Variants in TMEM230 observed in about 807,000 individuals in gnomAD.
TMEM230 encodes UPF0414 transmembrane protein C20orf30.
Under a neutral mutation model 15.8 loss-of-function variants are expected in TMEM230, and 10 were observed. The ratio of observed to expected loss-of-function variants is 0.63; its 90% confidence interval spans 0.39 to 1.07. The LOEUF (loss-of-function observed/expected upper bound fraction) is 1.07, where lower values mean the gene tolerates loss of function less well. TMEM230 is among the 50% of genes least tolerant of loss of function. The pLI, the probability that TMEM230 is intolerant of heterozygous loss-of-function variation, is 0.01. For synonymous variants in TMEM230, 67 were observed against 76.9 expected, an observed-to-expected ratio of 0.87 and a Z score of 0.68; for missense variants, 165 against 193.3, an observed-to-expected ratio of 0.85 and a Z score of 0.87.
intron 3 of TMEM230, among the ~76,000 whole-genome samples, chr20:5,084,513 C>A (rs182779962): frequency 6.6e-6 from 1 of 151,518 alleles, no homozygotes; most frequent in Non-Finnish European, 1.5e-5. Flanking sequence ...TGAGCCACTG[C>A]GCCCGTCTTC....
At chr20:5,061,032 G>A in the TMEM230 span, 1 of 152,128 alleles carries the variant, frequency 6.6e-6, no homozygotes, top group African/African-American at 2.4e-5. Flanking sequence ...GTAAACACAT[G>A]GGAGTGTAGT....
At chr20:5,098,030 T>C (rs1325720089), downstream of TMEM230, among the ~76,000 whole-genome samples, 7 of 130,340 alleles carry the variant, frequency 5.4e-5, no homozygotes, top group Non-Finnish European at 1.1e-4. Context: ...CAGGCTGGAG[T>C]GCAGTGGTGC....
rs866033071 is a variant in TMEM230, at chr20:5,111,787, G to A, written c.69-182C>T. 1.0e-5 allele frequency: 10 copies of A among 981,562 alleles called. No homozygotes were observed. The Admixed American group carries it at 3.7e-4, about 36-fold the overall frequency. 60.8% of individuals were successfully genotyped at this position (981,562 alleles called of 1,614,324 possible). A position where few individuals can be genotyped will look rare whatever the true frequency, so the allele number is the denominator to read the frequency against. ...ACCTAGTCTTTGTTAGATGCCAGCT[G>A]TTCTAAGTACTTTGTACATACCTAA... is the stretch of plus-strand genomic sequence containing the variant. On this transcript the variant is annotated intron_variant, in intron 1 of 4. Coordinates refer to ENST00000342308, the MANE Select transcript of TMEM230 (RefSeq NM_001009923.2).
At chr20:5,094,695 A>G (rs1336001114) in intron 3 of TMEM230, among the ~76,000 whole-genome samples, 1 of 110,874 alleles carries the variant, frequency 9.0e-6, no homozygotes, top group Admixed American at 1.1e-4. Context: ...ACAGAGCTAG[A>G]CTCCATCTCA....
intron 1 of TMEM230, among the ~76,000 whole-genome samples, chr20:5,112,479 C>A (rs1414451107): frequency 1.3e-5 from 2 of 152,316 alleles, no homozygotes; most frequent in East Asian, 3.9e-4. Context: ...GTTCATACAT[C>A]CGCATCAAAA....
intron 3 of TMEM230, among the ~76,000 whole-genome samples, chr20:5,083,947 T>G (rs1178729483): frequency 6.6e-6 from 1 of 152,180 alleles, no homozygotes; most frequent in African/African-American, 2.4e-5. Context: ...ACTGACTATT[T>G]CGTCACCCAG....
intron 4 of TMEM230, among the ~76,000 whole-genome samples, chr20:5,105,268 A>G (rs1249923948): frequency 6.7e-6 from 1 of 149,760 alleles, no homozygotes; most frequent in Non-Finnish European, 1.5e-5. Flanking sequence ...CCTGGGTGAC[A>G]GAACAAGACT....
At chr20:5,080,486 A>G (rs1185720811) in intron 3 of TMEM230, among the ~76,000 whole-genome samples, 1 of 152,112 alleles carries the variant, frequency 6.6e-6, no homozygotes, top group Non-Finnish European at 1.5e-5. Flanking sequence ...TTCAGTGCCT[A>G]CTGGCTTAGG....
intron 3 of TMEM230, among the ~76,000 whole-genome samples, chr20:5,074,246 A>G (rs1019408857): frequency 6.6e-6 from 1 of 152,212 alleles, no homozygotes; most frequent in African/African-American, 2.4e-5. Flanking sequence ...ATTTCTGCCT[A>G]AAAGCAGAAC....
At chr20:5,090,187 A>T (rs2089467438) in intron 3 of TMEM230, among the ~76,000 whole-genome samples, 1 of 152,250 alleles carries the variant, frequency 6.6e-6, no homozygotes, top group African/African-American at 2.4e-5. Flanking sequence ...GGTATGAGTG[A>T]AATAAATTAT....
At chr20:5,060,538 G>A in the TMEM230 span, among the ~76,000 whole-genome samples, 33 of 151,506 alleles carry the variant, frequency 2.2e-4, no homozygotes, top group Admixed American at 1.3e-3. Context: ...GATTTCACCC[G>A]GTTAGCCAGG....
At chr20:5,111,833 T>C (rs2090339132) in intron 1 of TMEM230, 1 of 964,924 alleles carries the variant, frequency 1.0e-6, no homozygotes, top group Non-Finnish European at 1.2e-6. Flanking sequence ...TAACAAATTG[T>C]TTTTCTTTTT....
chr20:5,089,239 G>T (rs1244931911), intron 3 of TMEM230, among the ~76,000 whole-genome samples: 3 of 152,144 alleles, frequency 2.0e-5, no homozygotes, highest in Non-Finnish European at 4.4e-5. Flanking sequence ...GCCGGGCGTG[G>T]TGGCACGCAC....
rs114574809 is a variant in TMEM230, at chr20:5,072,172, G to A, written c.223-2823C>T. On this transcript the variant is annotated intron_variant, in intron 3 of 3. Transcript: ENST00000612323. ...TTCAGGTGATCCTCCCACCTCAGCC[G>A]GCTGAGTAGCCAGGACTATAGGCAT... 2.3e-3 allele frequency among the ~76,000 whole-genome samples: 352 copies of A among 152,122 alleles called. 3 individuals carry two copies. The highest frequency in any genetic ancestry group is 8.2e-3 in the African/African-American group (340 of 41,498).
intron 3 of TMEM230, among the ~76,000 whole-genome samples, chr20:5,070,592 C>A (rs6053072): frequency 0.064 from 9,798 of 152,194 alleles, 989 homozygotes; most frequent in African/African-American, 0.22. Context: ...GATCCAGATG[C>A]GCAAAGGGCT....
chr20:5,085,490 T>C (rs1379853741), intron 3 of TMEM230, among the ~76,000 whole-genome samples: 2 of 152,156 alleles, frequency 1.3e-5, no homozygotes, highest in African/African-American at 4.8e-5. Context: ...GGTTTCACCA[T>C]GGTGGCCAGG....
chr20:5,097,630 A>AT (rs1169319225), downstream of TMEM230, among the ~76,000 whole-genome samples: 1 of 151,782 alleles, frequency 6.6e-6, no homozygotes, highest in African/African-American at 2.4e-5. Flanking sequence ...TTGCCTTATA[A>AT]TTTTTTTTTG....
chr20:5,097,515 G>C (rs958470511), downstream of TMEM230, among the ~76,000 whole-genome samples: 1 of 152,130 alleles, frequency 6.6e-6, no homozygotes, highest in African/African-American at 2.4e-5. Context: ...AACTGACCAC[G>C]GTTCCCCAAC....
intron 3 of TMEM230, among the ~76,000 whole-genome samples, chr20:5,091,250 C>T (rs192459410): frequency 3.3e-5 from 5 of 152,214 alleles, no homozygotes; most frequent in East Asian, 1.9e-4. Context: ...GATGGAGCTT[C>T]GCCCTTGTTG....
Sources: gnomAD v4.1 joint callset for allele counts (sites outside exome capture counted in the v4.1 genomes callset) on GRCh38, gnomAD v4.1.1 for gene constraint, MANE v1.5 for transcripts, NCBI Gene and HGNC (gene_info 2026-07-23, HGNC 2026-07-21) for gene names.